KANSL1L: variants seen among roughly 807,000 people sequenced by gnomAD.
KANSL1L encodes the protein KAT8 regulatory NSL complex subunit 1-like protein.
Under a neutral mutation model 108.6 loss-of-function variants are expected in KANSL1L, and 25 were observed. That is an observed-to-expected ratio of 0.23 (90% CI 0.17 to 0.32). The LOEUF (loss-of-function observed/expected upper bound fraction) is 0.32, where lower values mean the gene tolerates loss of function less well. Ranked by LOEUF, KANSL1L falls within the 10% of genes least tolerant of loss-of-function variation. The pLI is 1.00. For missense variants in KANSL1L, 1,137 were observed against 1,125.7 expected (o/e 1.01, Z -0.14); for synonymous variants, 405 against 395.1 (o/e 1.03, Z -0.30).
At chr2:210,100,252 C>G (rs1427550256) in intron 4 of KANSL1L, among the ~76,000 whole-genome samples, 1 of 152,120 alleles carries the variant, frequency 6.6e-6, no homozygotes, top group Non-Finnish European at 1.5e-5. Context: ...TGAGGTGGAA[C>G]AGTTTCATCT....
At chr2:210,089,982 C>A (rs1050777296) in intron 5 of KANSL1L, among the ~76,000 whole-genome samples, 1 of 152,146 alleles carries the variant, frequency 6.6e-6, no homozygotes, top group African/African-American at 2.4e-5. Flanking sequence ...GGGATACCTA[C>A]AAATGCCCTC....
intron 3 of KANSL1L, among the ~76,000 whole-genome samples, chr2:210,120,193 C>G (rs2125503711): frequency 6.6e-6 from 1 of 152,216 alleles, no homozygotes; most frequent in Admixed American, 6.5e-5. Context: ...AGTTCGAGAC[C>G]AGCCTGGGCA....
At chr2:210,108,482 T>C (rs1395910103) in intron 3 of KANSL1L, among the ~76,000 whole-genome samples, 1 of 152,210 alleles carries the variant, frequency 6.6e-6, no homozygotes, top group Non-Finnish European at 1.5e-5. Flanking sequence ...AAATATCCTT[T>C]CTTAAGTTAA....
chr2:210,027,664 G>GA (rs376252298), intron 11 of KANSL1L, among the ~76,000 whole-genome samples: 12 of 151,946 alleles, frequency 7.9e-5, no homozygotes, highest in African/African-American at 1.4e-4. Context: ...AACAGAGAAG[G>GA]AAAAAAACCC....
chr2:210,029,657 A>G (rs1475213987), intron 10 of KANSL1L, 146 bp downstream of exon 10: 2 of 451,652 alleles, frequency 4.4e-6, no homozygotes, highest in African/African-American at 2.1e-5. Context: ...TGAATCAAAT[A>G]TATTGTTTTC....
intron 6 of KANSL1L, among the ~76,000 whole-genome samples, chr2:210,074,418 A>G (rs1464859005): frequency 6.6e-6 from 1 of 152,212 alleles, no homozygotes; most frequent in Admixed American, 6.5e-5. Context: ...TAAAAAGAAC[A>G]TGGGCTTTGG....
chr2:210,091,958 A>G (rs2094696293), intron 5 of KANSL1L, among the ~76,000 whole-genome samples: 1 of 152,112 alleles, frequency 6.6e-6, no homozygotes, highest in Non-Finnish European at 1.5e-5. Flanking sequence ...GTAAACAGTT[A>G]TTTCCTTTCA....
chr2:210,141,967 T>G (rs2095232957), intron 2 of KANSL1L, among the ~76,000 whole-genome samples: 3 of 152,136 alleles, frequency 2.0e-5, no homozygotes, highest in Admixed American at 6.5e-5. Context: ...TTGGCAAGGA[T>G]AGTGACAAAG....
chr2:210,030,095 C>T (rs1048985236), intron 9 of KANSL1L, among the ~76,000 whole-genome samples, 177 bp from the exon 10 acceptor site: 1 of 151,854 alleles, frequency 6.6e-6, no homozygotes, highest in African/African-American at 2.4e-5. Flanking sequence ...GCAGTCATGC[C>T]ACAAGTTATT....
Position 210,022,612 on chromosome 2 carries a change from GTA to G in KANSL1L, c.*335_*336del. ...TTGGCACACAGGTTTGTATGTATGT[GTA>G]TATATATATGTATGTATGTATGGTG... On this transcript the variant is annotated 3_prime_UTR_variant, in exon 15 of 15. Coordinates refer to ENST00000281772, the MANE Select transcript of KANSL1L (RefSeq NM_152519.4). 15 of 237,834 alleles carry G rather than the reference GTA, an allele frequency of 6.3e-5. No individual in the cohort carries two copies. The highest frequency in any genetic ancestry group is 1.3e-4 in the South Asian group (2 of 15,708). 14.7% of individuals were successfully genotyped at this position (237,834 alleles called of 1,614,324 possible).
At chr2:210,028,749 A>G in intron 11 of KANSL1L, 96 bp downstream of exon 11, 2 of 909,772 alleles carry the variant, frequency 2.2e-6, no homozygotes, top group Non-Finnish European at 3.3e-6. Flanking sequence ...AACTGGGAGA[A>G]GGATGCTCCT....
At chr2:210,050,310 A>C (rs1226064545) in intron 6 of KANSL1L, among the ~76,000 whole-genome samples, 4 of 152,186 alleles carry the variant, frequency 2.6e-5, no homozygotes, top group African/African-American at 7.2e-5. Flanking sequence ...ATTTAAACCT[A>C]ACCCTATCAA....
Position 210,154,585 on chromosome 2 carries a change from C to A in KANSL1L, c.-3G>T. On this transcript the variant is annotated 5_prime_UTR_variant, in exon 2 of 15. Transcript: ENST00000281772. ...GCCTCCCTCAGAGCTGGGGTCATGG[C>A]GATTCCTGTAGATAAGTATTGGAAA... The A allele has an allele frequency of 1.4e-6, 2 of 1,474,924 alleles. No individual in the cohort carries two copies. Among genetic ancestry groups the A allele is most frequent in the Non-Finnish European group, 9.0e-7 (1 of 1,111,358 alleles). The allele number at this position is 1,474,924 out of a possible 1,614,324, so 91.4% of individuals were successfully genotyped here.
chr2:210,167,187 G>A (rs1186772896), intron 1 of KANSL1L, among the ~76,000 whole-genome samples: 1 of 151,990 alleles, frequency 6.6e-6, no homozygotes, highest in East Asian at 1.9e-4. Context: ...ACAAAATACA[G>A]TGTTGTTTTC....
chr2:210,115,844 C>A (rs921948713), intron 3 of KANSL1L, among the ~76,000 whole-genome samples: 2 of 152,310 alleles, frequency 1.3e-5, no homozygotes, highest in Admixed American at 1.3e-4. Flanking sequence ...ATAAAAATAG[C>A]ATGAGAGAGG....
At chr2:210,098,340 A>G (rs2094759130) in intron 4 of KANSL1L, 133 bp from the exon 5 acceptor site, 2 of 785,016 alleles carry the variant, frequency 2.5e-6, no homozygotes, top group Admixed American at 3.4e-5. Context: ...TTTATTTGAC[A>G]AAGACAATTT....
chr2:210,142,420 T>C (rs2095236859), intron 2 of KANSL1L, among the ~76,000 whole-genome samples: 2 of 152,098 alleles, frequency 1.3e-5, no homozygotes, highest in South Asian at 4.1e-4. Context: ...TTGTCAATTC[T>C]GCTTATCTTT....
chr2:210,044,012 C>A lies in KANSL1L; in HGVS notation c.1848G>T (p.Ser616=), dbSNP rs777716295. ...ASTWSSYEHN[S]ESYLLREHVS... is the part of the protein sequence containing the mutation. ...CATGTTCTCTTAATAGGTAAGACTC[C>A]GAATTGTGTTCATAGCTACTCCAAG... Residue 616 remains serine (S), a synonymous_variant, in exon 7 of 15, where the codon TCG becomes TCT. Transcript: ENST00000281772. The surrounding 1 kb of genome is among the most constrained non-coding windows in gnomAD (Gnocchi z 4.2). 6 of 1,608,538 alleles carry A rather than the reference C, an allele frequency of 3.7e-6. No homozygotes were observed. Among genetic ancestry groups the A allele is most frequent in the African/African-American group, 1.3e-5 (1 of 74,638 alleles).
At chr2:210,108,020 A>G (rs545381904) in intron 3 of KANSL1L, among the ~76,000 whole-genome samples, 2 of 152,282 alleles carry the variant, frequency 1.3e-5, no homozygotes, top group African/African-American at 4.8e-5. Context: ...TTTACATTTA[A>G]AATACATTAA....
Sources: allele counts gnomAD v4.1 joint callset (sites outside exome capture counted in the v4.1 genomes callset), GRCh38; gene constraint gnomAD v4.1.1; non-coding constraint Gnocchi (gnomAD v3.1); transcripts MANE v1.5; gene names NCBI Gene and HGNC (gene_info 2026-07-23, HGNC 2026-07-21).